DUSP18: variants seen among roughly 807,000 people sequenced by gnomAD.
The protein encoded by DUSP18 is dual specificity protein phosphatase 18.
DUSP18 carries 4 observed loss-of-function variants against 6.3 expected under a neutral mutation model. That is an observed-to-expected ratio of 0.63 (90% CI 0.31 to 1.45). The LOEUF (loss-of-function observed/expected upper bound fraction) is 1.45. Among genes scored for constraint, DUSP18 ranks in the 40% most tolerant of loss-of-function variants. The pLI, the probability that DUSP18 is intolerant of heterozygous loss-of-function variation, is 0.07. For synonymous variants in DUSP18, 96 were observed against 95.1 expected (o/e 1.01, Z -0.05); for missense variants, 235 against 247.7 (o/e 0.95, Z 0.34).
At chr22:30,665,706 T>C in intron 1 of DUSP18, 1 of 340,092 alleles carries the variant, frequency 2.9e-6, no homozygotes, top group South Asian at 2.4e-5. Flanking sequence ...ATTATTTGAT[T>C]AATGTCTGTC....
chr22:30,657,797 G>A (rs915031720), downstream of DUSP18, among the ~76,000 whole-genome samples: 4 of 151,352 alleles, frequency 2.6e-5, no homozygotes, highest in East Asian at 3.9e-4. Flanking sequence ...CCAGCTACTC[G>A]GGAGGCTGAG....
downstream of DUSP18, among the ~76,000 whole-genome samples, chr22:30,661,044 T>G (rs751509098): frequency 2.0e-5 from 3 of 152,208 alleles, no homozygotes; most frequent in Non-Finnish European, 4.4e-5. Context: ...TTTTGCCATG[T>G]TGGCCAGGCT....
At chr22:30,661,296 T>C (rs1169866795), downstream of DUSP18, 1 of 152,114 alleles carries the variant, frequency 6.6e-6, no homozygotes, top group East Asian at 1.9e-4. Flanking sequence ...AGAGCTGAAA[T>C]GACTATCAAA....
chr22:30,663,126 G>A lies in DUSP18; in HGVS notation c.*311C>T. Reference sequence around the variant, plus strand: ...GGTCAATCTGTTTTTGGGGAGGGCTGCAGGATTCCAGGCCTGCCATGTGCA... The same window carrying A: ...GGTCAATCTGTTTTTGGGGAGGGCTACAGGATTCCAGGCCTGCCATGTGCA... On this transcript the variant is annotated 3_prime_UTR_variant, in exon 2 of 2. Coordinates refer to ENST00000334679, the MANE Select transcript of DUSP18 (RefSeq NM_152511.5). 2 of 290,402 alleles carry A rather than the reference G, an allele frequency of 6.9e-6. No homozygotes were observed. Among genetic ancestry groups the A allele is most frequent in the Non-Finnish European group, 6.5e-6 (1 of 155,006 alleles). The allele number at this position is 290,402 out of a possible 1,614,324, so 18.0% of individuals were successfully genotyped here.
chr22:30,662,314 C>T lies in DUSP18; in HGVS notation c.*1123G>A, dbSNP rs959642714. ...TGAGGACACTGATGCTCCCAGGGGTCCACATCACATGAAGAGGAGGTGACA... is the reference window on the plus strand; with the variant it reads ...TGAGGACACTGATGCTCCCAGGGGTTCACATCACATGAAGAGGAGGTGACA... On this transcript the variant is annotated 3_prime_UTR_variant, in exon 2 of 2. Transcript: ENST00000334679. 10 of 152,146 alleles carry T rather than the reference C, an allele frequency of 6.6e-5. No homozygotes were observed. Among genetic ancestry groups the T allele is most frequent in the Non-Finnish European group, 1.3e-4 (9 of 68,016 alleles). 9.4% of individuals were successfully genotyped at this position (152,146 alleles called of 1,614,324 possible). A position where few individuals can be genotyped will look rare whatever the true frequency, so the allele number is the denominator to read the frequency against.
chr22:30,655,733 C>T (rs1381851603), intron 2 of DUSP18, among the ~76,000 whole-genome samples: 1 of 151,932 alleles, frequency 6.6e-6, no homozygotes, highest in Non-Finnish European at 1.5e-5. Context: ...CTGTGGGGTG[C>T]CTTCTTATGC....
chr22:30,662,395 C>A lies in DUSP18; in HGVS notation c.*1042G>T, dbSNP rs991551600. 2.0e-5 allele frequency: 3 copies of A among 152,140 alleles called. No homozygotes were observed. Among genetic ancestry groups the A allele is most frequent in the Admixed American group, 6.6e-5 (1 of 15,262 alleles). 9.4% of individuals were successfully genotyped at this position (152,140 alleles called of 1,614,324 possible). ...TCCAAGCCAAGGCCTGTGAGAGGAACCGCTGAGACCTGATGTTAGGCCTGT... is the reference window on the plus strand; with the variant it reads ...TCCAAGCCAAGGCCTGTGAGAGGAAACGCTGAGACCTGATGTTAGGCCTGT... On this transcript the variant is annotated 3_prime_UTR_variant, in exon 2 of 2. Transcript: ENST00000334679.
chr22:30,657,145 A>C (rs540692650), downstream of DUSP18, among the ~76,000 whole-genome samples: 4 of 151,808 alleles, frequency 2.6e-5, no homozygotes, highest in Middle Eastern at 3.4e-3. Context: ...ATGTAAGATA[A>C]ATTTCTGGGC....
At chr22:30,653,977 GT>G in intron 2 of DUSP18, 2 of 149,486 alleles carry the variant, frequency 1.3e-5, no homozygotes, top group South Asian at 1.8e-4. Context: ...TAGCTGTTTT[GT>G]TTTTTTGTTT....
intron 1 of DUSP18, among the ~76,000 whole-genome samples, chr22:30,665,949 G>A (rs1460234364): frequency 1.3e-5 from 2 of 152,182 alleles, no homozygotes; most frequent in South Asian, 2.1e-4. Context: ...GGGTGGGGAT[G>A]GGGGTGGTTC....
chr22:30,665,398 A>G, intron 1 of DUSP18: 1 of 379,136 alleles, frequency 2.6e-6, no homozygotes, highest in South Asian at 2.0e-5. Context: ...AGGTGAACCG[A>G]GCCACTTACA....
chr22:30,664,099 T>G lies in DUSP18; in HGVS notation c.-77-19A>C. 2.6e-6 allele frequency: 3 copies of G among 1,151,714 alleles called. No homozygotes were observed. The highest frequency in any genetic ancestry group is 3.7e-6 in the Non-Finnish European group (3 of 810,450). 71.3% of individuals were successfully genotyped at this position (1,151,714 alleles called of 1,614,324 possible). On this transcript the variant is annotated intron_variant, in intron 1 of 1. Transcript: ENST00000334679. ...TGGAAAACTGCAGAGAGGGAGAGGATGTTTAGAGGGCAGGTGCCCAGAGGG... is the reference window on the plus strand; with the variant it reads ...TGGAAAACTGCAGAGAGGGAGAGGAGGTTTAGAGGGCAGGTGCCCAGAGGG...
At chr22:30,657,276 AACAC>A (rs146940549), downstream of DUSP18, among the ~76,000 whole-genome samples, 2 of 14,172 alleles carry the variant, frequency 1.4e-4, no homozygotes, top group Non-Finnish European at 2.9e-4. Flanking sequence ...CTCTACTAAA[AACAC>A]ACACACACAC....
intron 1 of DUSP18, among the ~76,000 whole-genome samples, chr22:30,664,456 A>G (rs574673290): frequency 1.3e-5 from 2 of 152,200 alleles, no homozygotes; most frequent in Admixed American, 6.5e-5. Flanking sequence ...TCTCCATTTA[A>G]GCTCACAGAG....
downstream of DUSP18, among the ~76,000 whole-genome samples, chr22:30,657,624 G>T (rs1476357104): frequency 6.6e-6 from 1 of 151,914 alleles, no homozygotes; most frequent in Admixed American, 6.6e-5. Flanking sequence ...TAAAAAATAG[G>T]CCAGGCGCGG....
downstream of DUSP18, among the ~76,000 whole-genome samples, chr22:30,658,247 A>G (rs2145598911): frequency 6.6e-6 from 1 of 151,952 alleles, no homozygotes; most frequent in African/African-American, 2.4e-5. Context: ...TGAAAAAGAA[A>G]TATTAACAAG....
chr22:30,660,026 A>G (rs1419711604), downstream of DUSP18, among the ~76,000 whole-genome samples: 1 of 152,220 alleles, frequency 6.6e-6, no homozygotes, highest in Non-Finnish European at 1.5e-5. Context: ...TCTACCCTGC[A>G]ACTGCAATAC....
At chr22:30,664,769 TGAA>T (rs1252207527) in intron 1 of DUSP18, among the ~76,000 whole-genome samples, 4 of 152,224 alleles carry the variant, frequency 2.6e-5, no homozygotes, top group African/African-American at 7.2e-5. Context: ...ACCTTGCCTC[TGAA>T]GAAGGCCTGG....
chr22:30,659,203 G>A (rs142573534), downstream of DUSP18, among the ~76,000 whole-genome samples: 1,497 of 150,052 alleles, frequency 1.0e-2, 13 homozygotes, highest in South Asian at 0.031. Context: ...GATGAGGATC[G>A]AACCGAAGAG....
Sources: allele counts gnomAD v4.1 joint callset (sites outside exome capture counted in the v4.1 genomes callset), GRCh38; gene constraint gnomAD v4.1.1; transcripts MANE v1.5; gene names NCBI Gene and HGNC (gene_info 2026-07-23, HGNC 2026-07-21).